The following ARHGEF25 variants were observed in gnomAD, a reference collection of about 807,000 sequenced individuals.
ARHGEF25 encodes the protein RAC/CDC42 exchange factor.
Under a neutral mutation model 74.0 loss-of-function variants are expected in ARHGEF25, and 42 were observed. The ratio of observed to expected loss-of-function variants is 0.57; its 90% CI spans 0.44 to 0.73. The LOEUF (loss-of-function observed/expected upper bound fraction) is 0.73. ARHGEF25 is among the 30% of genes least tolerant of loss of function. ARHGEF25 has a pLI of 0.00. For missense variants in ARHGEF25, 645 were observed against 725.5 expected (o/e 0.89, Z 1.27); for synonymous variants, 293 against 278.6 (o/e 1.05, Z -0.51).
At chr12:57,610,218 T>G (rs1461398526), upstream of ARHGEF25, 1 of 1,591,462 alleles carries the variant, frequency 6.3e-7, no homozygotes, top group Non-Finnish European at 8.6e-7. Flanking sequence ...GGGTTCAGTA[T>G]GAAGCCCCCG....
upstream of ARHGEF25, chr12:57,610,648 C>T: frequency 1.2e-6 from 2 of 1,610,834 alleles, no homozygotes; most frequent in Non-Finnish European, 1.7e-6. Flanking sequence ...CAGAAGGGAT[C>T]GCGAACATGA....
intron 14 of ARHGEF25, 27 bp downstream of exon 14, chr12:57,616,522 T>C (rs1884298663): frequency 6.2e-7 from 1 of 1,601,222 alleles, no homozygotes; most frequent in Non-Finnish European, 8.5e-7. Flanking sequence ...TCCCTCATTG[T>C]AGGGATAAAA....
chr12:57,614,118 G>A lies in ARHGEF25; in HGVS notation c.655G>A (p.Asp219Asn), dbSNP rs141643619. 668 of 1,614,138 alleles carry A rather than the reference G, an allele frequency of 4.1e-4. 1 individual carries two copies. The highest frequency in any genetic ancestry group is 4.9e-4 in the Middle Eastern group (3 of 6,062). The change falls in exon 6 of 15, where the codon GAC becomes AAC. Residue 219 changes from aspartate to asparagine, a missense_variant and splice_region_variant. Transcript: ENST00000286494. The surrounding 1 kb of genome is among the most constrained non-coding windows in gnomAD (Gnocchi z 4.6). ...CCAGCAAATCTATGAGTGGCACCGA[G>A]AGTGAGTGGTGGAACTCTGACAGCT... ...NIQQIYEWHR[D>N]YFLQELQRCL... is the part of the protein sequence containing the mutation.
upstream of ARHGEF25, chr12:57,610,479 C>G: frequency 1.2e-5 from 14 of 1,216,460 alleles, no homozygotes; most frequent in Non-Finnish European, 1.6e-5. Flanking sequence ...CCTTTTATAA[C>G]AATGTGGGTT....
rs747900629 is a variant in ARHGEF25, at chr12:57,615,004, C to T, written c.947C>T (p.Thr316Ile). The change falls in exon 10 of 15, where the codon ACT (threonine) becomes ATT (isoleucine). Residue 316 changes from threonine to isoleucine, a missense_variant. By Grantham distance (89) the Thr-to-Ile change is moderately conservative. Around this residue, in one of 3 missense-constraint regions of ARHGEF25, gnomAD observed 194 missense variants for 269.4 expected, o/e 0.72. Coordinates refer to ENST00000286494, the MANE Select transcript of ARHGEF25 (RefSeq NM_182947.4). ...LKYYNRAGMDTADLEQAVEVM... is the reference protein window; with the variant it reads ...LKYYNRAGMDIADLEQAVEVM... ...TATTACAATAGAGCTGGGATGGATACTGCAGACCTAGAGGTGAGGACCCCA... is the reference window on the plus strand; with the variant it reads ...TATTACAATAGAGCTGGGATGGATATTGCAGACCTAGAGGTGAGGACCCCA... 2 of 1,614,172 alleles carry T rather than the reference C, an allele frequency of 1.2e-6. No homozygotes were observed. The highest frequency in any genetic ancestry group is 1.7e-6 in the Non-Finnish European group (2 of 1,180,030).
chr12:57,611,888 G>A lies in ARHGEF25; in HGVS notation c.-7G>A, dbSNP rs767964711. ...CCGGGTGGGGGGCGCGGGGGGGCCC[G>A]GGCGCCATGCGGGGGGGGCACAAAG... On this transcript the variant is annotated 5_prime_UTR_variant, in exon 1 of 15. Coordinates refer to ENST00000286494, the MANE Select transcript of ARHGEF25 (RefSeq NM_182947.4). This position sits in a 1 kb window ranked among gnomAD's most constrained non-coding sequence, Gnocchi z 4.5. The A allele has an allele frequency of 2.4e-6, 3 of 1,236,528 alleles. No homozygotes were observed. The highest frequency in any genetic ancestry group is 3.6e-5 in the Admixed American group (1 of 27,694). The allele number at this position is 1,236,528 out of a possible 1,614,324, so 76.6% of individuals were successfully genotyped here.
At chr12:57,612,807 G>C (rs1452034265) in intron 1 of ARHGEF25, 123 bp from the exon 2 acceptor site, 1 of 1,501,818 alleles carries the variant, frequency 6.7e-7, no homozygotes, top group Non-Finnish European at 8.9e-7. Flanking sequence ...AGGATGGCAA[G>C]AGAGTGAGCC....
upstream of ARHGEF25, chr12:57,610,285 G>C (rs563944102): frequency 3.5e-5 from 56 of 1,578,474 alleles, no homozygotes; most frequent in African/African-American, 7.1e-4. Flanking sequence ...GGGGCATGCT[G>C]CGCGCATGCG....
At chr12:57,611,365 A>G (rs1884031619), upstream of ARHGEF25, 1 of 887,638 alleles carries the variant, frequency 1.1e-6, no homozygotes, top group Non-Finnish European at 1.3e-6. The surrounding 1 kb of genome is among the most constrained non-coding windows in gnomAD (Gnocchi z 4.5). Context: ...CAGGAGGGGG[A>G]ACGCGATGGA....
upstream of ARHGEF25, chr12:57,610,276 G>A (rs1349703632): frequency 1.6e-5 from 25 of 1,585,722 alleles, no homozygotes; most frequent in Non-Finnish European, 2.1e-5. Flanking sequence ...GGGTCATGGG[G>A]GGCATGCTGC....
chr12:57,614,955 T>C lies in ARHGEF25; in HGVS notation c.910-12T>C. The stretch of plus-strand genomic sequence containing the variant: ...TCGTGACCTCCCTGAGCATTTCTTC[T>C]CTCTGTCTTAGGATTTTCTCAAGTA... On this transcript the variant is annotated splice_polypyrimidine_tract_variant and intron_variant, in intron 9 of 14. Transcript: ENST00000286494. The surrounding 1 kb of genome is among the most constrained non-coding windows in gnomAD (Gnocchi z 4.6). 6.2e-7 allele frequency: 1 copy of C among 1,613,994 alleles called. No individual in the cohort carries two copies. Among genetic ancestry groups the C allele is most frequent in the Non-Finnish European group, 8.5e-7 (1 of 1,179,944 alleles).
rs762708060 is a variant in ARHGEF25, at chr12:57,614,145, G to C, written c.656+26G>C. 2 of 1,612,146 alleles carry C rather than the reference G, an allele frequency of 1.2e-6. No homozygotes were observed. On this transcript the variant is annotated intron_variant, in intron 6 of 14. Transcript: ENST00000286494. The surrounding 1 kb of genome is among the most constrained non-coding windows in gnomAD (Gnocchi z 4.6). ...GTGAGTGGTGGAACTCTGACAGCTA[G>C]GTGCTGGAGAGGGGCCCTCATCTGG...
Position 57,616,382 on chromosome 12 carries a change from C to G in ARHGEF25, c.1519C>G (p.Leu507Val). 6.2e-7 allele frequency: 1 copy of G among 1,614,108 alleles called. No individual in the cohort carries two copies. The highest frequency in any genetic ancestry group is 1.1e-5 in the South Asian group (1 of 91,076). ...AGTGGGGAGCCCTGGAAGAATTCAG[C>G]TTGGAGATCAGGCCCAGGGCAGCAC... Reference protein sequence around the residue: ...PGVGSPGRIQLGDQAQGSTHT... With the variant: ...PGVGSPGRIQVGDQAQGSTHT... Residue 507 changes from leucine (L) to valine (V), a missense_variant, in exon 14 of 15, where the codon CTT (leucine) becomes GTT (valine). Leu to Val is a conservative substitution (Grantham distance 32). Transcript: ENST00000286494.
upstream of ARHGEF25, chr12:57,610,727 C>A (rs375479122): frequency 4.7e-6 from 7 of 1,504,582 alleles, no homozygotes; most frequent in African/African-American, 9.8e-5. Flanking sequence ...TGCTATCCTG[C>A]GCCAAGTGGC....
At chr12:57,610,629 G>A (rs748999940), upstream of ARHGEF25, 3 of 1,612,492 alleles carry the variant, frequency 1.9e-6, no homozygotes, top group African/African-American at 1.3e-5. Flanking sequence ...AACGTACGGA[G>A]GGAGATCACA....
Position 57,615,080 on chromosome 12 carries a change from T to C in ARHGEF25, c.960+63T>C, listed in dbSNP as rs537336510. ...CCTTATCCTCCTAGTATCTCATGGG[T>C]TCCCCCAGCCCCTTGGGTGGTTTAC... is the stretch of plus-strand genomic sequence containing the variant. On this transcript the variant is annotated intron_variant, in intron 10 of 14. Transcript: ENST00000286494. 1.9e-6 allele frequency: 3 copies of C among 1,600,432 alleles called. No individual in the cohort carries two copies. In the East Asian group the frequency reaches 6.7e-5, roughly 36 times the overall value.
rs2140222605 is a variant in ARHGEF25, at chr12:57,614,240, A to G, written c.657-91A>G. The G allele has an allele frequency of 1.3e-6, 2 of 1,576,648 alleles. No homozygotes were observed. The highest frequency in any genetic ancestry group is 2.2e-5 in the South Asian group (2 of 90,162). ...TTGGAGAAGTTTTGTAGGGCACACT[A>G]CCAGGGCAGACAGCTCGAAACTGCT... On this transcript the variant is annotated intron_variant, in intron 6 of 14. Transcript: ENST00000286494. The surrounding 1 kb of genome is among the most constrained non-coding windows in gnomAD (Gnocchi z 4.6).
intron 13 of ARHGEF25, 87 bp from the exon 14 acceptor site, chr12:57,616,197 G>A: frequency 6.8e-7 from 1 of 1,480,254 alleles, no homozygotes; most frequent in Non-Finnish European, 9.1e-7. Flanking sequence ...TGACAGGGAG[G>A]GAGGGCAAAG....
At chr12:57,610,584 C>A (rs1200529252), upstream of ARHGEF25, 1 of 1,610,786 alleles carries the variant, frequency 6.2e-7, no homozygotes, top group South Asian at 1.1e-5. Flanking sequence ...CAAGGAGAAG[C>A]CCTCTAGGGT....
Sources: gnomAD v4.1 joint callset for allele counts on GRCh38, gnomAD v4.1.1 for gene constraint, gnomAD v4.1.1 regional missense constraint, Gnocchi (gnomAD v3.1) non-coding constraint, MANE v1.5 for transcripts, NCBI Gene and HGNC (gene_info 2026-07-23, HGNC 2026-07-21) for gene names.